CPA6: variants seen among roughly 807,000 people sequenced by gnomAD.
The protein encoded by CPA6 is carboxypeptidase A6.
In CPA6, 58 loss-of-function variants were observed where a neutral mutation model predicts 63.3. The ratio of observed to expected loss-of-function variants is 0.92; its 90% confidence interval spans 0.74 to 1.14. The LOEUF is 1.14. CPA6 is among the 50% of genes most tolerant of loss of function. The pLI, the probability that CPA6 is intolerant of heterozygous loss-of-function variation, is 0.00. For synonymous variants in CPA6, 185 were observed against 179.0 expected, an observed-to-expected ratio of 1.03 and a Z score of -0.27; for missense variants, 565 against 526.6, an observed-to-expected ratio of 1.07 and a Z score of -0.71.
Position 67,422,588 on chromosome 8 carries a change from T to C in CPA6, c.1230A>G (p.Pro410=), listed in dbSNP as rs373070357. ...RDTGYFGFLL[P]EMLIKPTCTE... ...TACAGGTGGGTTTGATGAGCATCTC[T>C]GGGAGTAAAAATCCAAAATATCCAG... The change falls in exon 11 of 11, where the codon CCA becomes CCG. Residue 410 remains proline, a synonymous_variant. Coordinates refer to ENST00000297770, the MANE Select transcript of CPA6 (RefSeq NM_020361.5). The C allele has an allele frequency of 8.1e-6, 13 of 1,614,020 alleles. No individual in the cohort carries two copies. Among genetic ancestry groups the C allele is most frequent in the Non-Finnish European group, 1.1e-5 (13 of 1,179,986 alleles).
rs370674225 is a variant in CPA6 at position 67,721,016 on chromosome 8, A to G, written c.116+24998T>C. On this transcript the variant is annotated intron_variant, in intron 1 of 10. Coordinates refer to ENST00000297770, the MANE Select transcript of CPA6 (RefSeq NM_020361.5). ...TGAAAAACTCCCTATTAGGGATTGA[A>G]CAAACATTTACTTATACTCTCCATT... 3.3e-5 allele frequency among the ~76,000 whole-genome samples: 5 copies of G among 152,370 alleles called. No homozygotes were observed. The East Asian group carries it at 9.6e-4, about 29-fold the overall frequency.
intron 1 of CPA6, among the ~76,000 whole-genome samples, chr8:67,674,474 G>T (rs1216465779): frequency 6.6e-6 from 1 of 152,220 alleles, no homozygotes; most frequent in Non-Finnish European, 1.5e-5. Context: ...GAAACTGTAT[G>T]ACTGATTCTT....
At chr8:67,640,359 G>T (rs958151081) in intron 1 of CPA6, among the ~76,000 whole-genome samples, 4 of 151,492 alleles carry the variant, frequency 2.6e-5, no homozygotes, top group Admixed American at 1.3e-4. Context: ...AGTGCTTGTT[G>T]GTGCCCCAAA....
intron 2 of CPA6, among the ~76,000 whole-genome samples, chr8:67,594,971 T>C (rs1457878071): frequency 2.0e-5 from 3 of 152,208 alleles, no homozygotes; most frequent in Non-Finnish European, 4.4e-5. Context: ...TTTTAGAGTT[T>C]CCAGTTTTTC....
chr8:67,580,954 T>G (rs1232918938), intron 2 of CPA6, among the ~76,000 whole-genome samples: 1 of 152,054 alleles, frequency 6.6e-6, no homozygotes, highest in Non-Finnish European at 1.5e-5. Flanking sequence ...AGTTTCAGTA[T>G]AGTCACCCCC....
intron 1 of CPA6, among the ~76,000 whole-genome samples, chr8:67,696,255 A>G (rs112798772): frequency 0.025 from 3,785 of 152,338 alleles, 184 homozygotes; most frequent in African/African-American, 0.087. Context: ...AGATAATTTG[A>G]ACAGGGACTC....
chr8:67,429,284 C>T (rs1466815863), intron 9 of CPA6, among the ~76,000 whole-genome samples: 1 of 152,138 alleles, frequency 6.6e-6, no homozygotes, highest in Non-Finnish European at 1.5e-5. Context: ...ACTCACTATC[C>T]TTTAAATATG....
At chr8:67,504,928 A>G (rs1563979178) in intron 6 of CPA6, among the ~76,000 whole-genome samples, 1 of 152,170 alleles carries the variant, frequency 6.6e-6, no homozygotes, top group African/African-American at 2.4e-5. Context: ...TCTCCTCCCA[A>G]TGATGTATCG....
chr8:67,503,864 G>A (rs984366529), intron 6 of CPA6, among the ~76,000 whole-genome samples: 15 of 151,980 alleles, frequency 9.9e-5, no homozygotes, highest in Admixed American at 3.3e-4. Context: ...TTTAAGCTGC[G>A]CATGCATTAG....
At chr8:67,708,907 G>GT (rs1188641007) in intron 1 of CPA6, among the ~76,000 whole-genome samples, 1 of 152,084 alleles carries the variant, frequency 6.6e-6, no homozygotes, top group Non-Finnish European at 1.5e-5. Context: ...TGGTCAGGTG[G>GT]TTTTTATAAT....
chr8:67,723,386 C>T (rs1817538460), intron 1 of CPA6, among the ~76,000 whole-genome samples: 1 of 152,182 alleles, frequency 6.6e-6, no homozygotes, highest in Non-Finnish European at 1.5e-5. Context: ...AGACTTGTCT[C>T]AACCTCCTAG....
chr8:67,696,803 G>C (rs1816920858), intron 1 of CPA6, among the ~76,000 whole-genome samples: 1 of 152,170 alleles, frequency 6.6e-6, no homozygotes, highest in Non-Finnish European at 1.5e-5. Context: ...TAAACCTGTT[G>C]TTAGAAAGAT....
chr8:67,491,400 T>G (rs1811603730), intron 6 of CPA6, among the ~76,000 whole-genome samples: 1 of 152,052 alleles, frequency 6.6e-6, no homozygotes, highest in African/African-American at 2.4e-5. Context: ...ATCTTGTATA[T>G]TCTAGTTATT....
intron 1 of CPA6, among the ~76,000 whole-genome samples, chr8:67,744,224 T>C (rs2623834): frequency 0.61 from 92,880 of 152,118 alleles, 32,388 homozygotes; most frequent in Non-Finnish European, 0.75. Context: ...TTGCAATGGT[T>C]GAGTGAGACT....
chr8:67,640,541 T>C (rs1301094809), intron 1 of CPA6, among the ~76,000 whole-genome samples: 1 of 151,118 alleles, frequency 6.6e-6, no homozygotes, highest in Non-Finnish European at 1.5e-5. Context: ...CCCAGGAGTG[T>C]AGAGATGCCT....
intron 8 of CPA6, among the ~76,000 whole-genome samples, chr8:67,473,883 G>A (rs936892288): frequency 1.3e-5 from 2 of 151,910 alleles, no homozygotes; most frequent in Admixed American, 1.3e-4. Flanking sequence ...CTGGGATTAC[G>A]GGCTTGAGCC....
intron 1 of CPA6, among the ~76,000 whole-genome samples, chr8:67,641,777 T>G (rs1360643670): frequency 1.3e-5 from 2 of 151,870 alleles, no homozygotes; most frequent in African/African-American, 4.8e-5. Flanking sequence ...GGAACAAAAC[T>G]GCCAGTTTTC....
At chr8:67,681,195 A>ATTTCCTTTT in intron 1 of CPA6, among the ~76,000 whole-genome samples, 1 of 97,150 alleles carries the variant, frequency 1.0e-5, no homozygotes, top group African/African-American at 5.9e-5. Flanking sequence ...GGTCACAAAG[A>ATTTCCTTTT]TTTTCTTTTT....
At position 67,434,054 on chromosome 8, in the gene CPA6, G is replaced by A; in HGVS notation, c.1025C>T (p.Pro342Leu). The A allele has an allele frequency of 6.2e-7, 1 of 1,611,704 alleles. No individual in the cohort carries two copies. Among genetic ancestry groups the A allele is most frequent in the Non-Finnish European group, 8.5e-7 (1 of 1,178,646 alleles). Residue 342 changes from proline to leucine, a missense_variant, in exon 9 of 11, where the codon CCC (proline) becomes CTC (leucine). By Grantham distance (98) the Pro-to-Leu change is moderately conservative. Coordinates refer to ENST00000297770, the MANE Select transcript of CPA6 (RefSeq NM_020361.5). The stretch of plus-strand genomic sequence containing the variant: ...AATACTTACCACACATCTAAAATTG[G>A]GAATTGTTGCATATTTGTAAGAATA... ...YPYSYKYATI[P>L]NFRCVESAAY...
Sources: allele counts gnomAD v4.1 joint callset (sites outside exome capture counted in the v4.1 genomes callset), GRCh38; gene constraint gnomAD v4.1.1; transcripts MANE v1.5; gene names NCBI Gene and HGNC (gene_info 2026-07-23, HGNC 2026-07-21).